SNAP23: variants seen among roughly 807,000 people sequenced by gnomAD.
SNAP23 encodes the protein synaptosomal-associated protein 23.
In SNAP23, 11 loss-of-function variants were observed where a neutral mutation model predicts 29.0. The ratio of observed to expected loss-of-function variants is 0.38; its 90% CI spans 0.24 to 0.63. The LOEUF (loss-of-function observed/expected upper bound fraction) is 0.63, where lower values mean the gene tolerates loss of function less well. SNAP23 is among the 20% of genes least tolerant of loss of function. The probability of loss-of-function intolerance (pLI) is 0.58; values close to 1 mark genes in which losing one functional copy is unlikely to be tolerated. For missense variants in SNAP23, 220 were observed against 253.9 expected, an observed-to-expected ratio of 0.87 and a Z score of 0.91; for synonymous variants, 60 against 82.9, an observed-to-expected ratio of 0.72 and a Z score of 1.50.
upstream of SNAP23, among the ~76,000 whole-genome samples, chr15:42,495,105 G>A (rs781427497): frequency 9.9e-5 from 15 of 152,110 alleles, no homozygotes; most frequent in Non-Finnish European, 2.2e-4. Context: ...TGCTGTTCTC[G>A]ACATAAGCTG....
At chr15:42,512,910 TTTTC>T in intron 2 of SNAP23, 41 bp from the exon 3 acceptor site, 1 of 1,492,384 alleles carries the variant, frequency 6.7e-7, no homozygotes, top group Non-Finnish European at 9.3e-7. Context: ...TCAGATTTTT[TTTTC>T]TACATATTTT....
chr15:42,504,245 G>A (rs1472711805), intron 1 of SNAP23, among the ~76,000 whole-genome samples: 4 of 152,056 alleles, frequency 2.6e-5, no homozygotes, highest in Non-Finnish European at 5.9e-5. Context: ...GGGAGACTGG[G>A]GAAGGAGAAT....
At chr15:42,520,792 C>A (rs1413849021) in intron 5 of SNAP23, among the ~76,000 whole-genome samples, 1 of 152,224 alleles carries the variant, frequency 6.6e-6, no homozygotes, top group East Asian at 1.9e-4. Flanking sequence ...CCACACCCGG[C>A]CTTAAACATT....
upstream of SNAP23, among the ~76,000 whole-genome samples, chr15:42,491,901 T>TTTATTTATTTAGTTAGTTAGTTAG (rs1555433008): frequency 2.7e-5 from 4 of 146,862 alleles, 1 homozygote; most frequent in Admixed American, 2.7e-4. Flanking sequence ...TATTTATTTA[T>TTTATTTATTTAGTTAGTTAGTTAG]TTAGTTAGTT....
In SNAP23 at chr15:42,499,230, G is replaced by C. The variant is rs575832832; in HGVS notation, c.-15+3517G>C. Among the ~76,000 whole-genome samples, 7 of 152,158 alleles carry C rather than the reference G, an allele frequency of 4.6e-5. No individual in the cohort carries two copies. The South Asian group carries it at 1.5e-3, about 32-fold the overall frequency. On this transcript the variant is annotated intron_variant, in intron 1 of 7. Transcript: ENST00000249647. Reference sequence around the variant, plus strand: ...ATTACAGGCAGGCGCCACCATACCTGGCTAATTTTATATTTTTAGTAGAGA... The same window carrying C: ...ATTACAGGCAGGCGCCACCATACCTCGCTAATTTTATATTTTTAGTAGAGA...
intron 5 of SNAP23, among the ~76,000 whole-genome samples, chr15:42,525,578 C>T (rs1338123379): frequency 1.4e-5 from 2 of 141,064 alleles, no homozygotes; most frequent in East Asian, 2.3e-4. Flanking sequence ...ATTCTTCTGC[C>T]TCTGCCTCCT....
chr15:42,499,125 A>G (rs1397459134), intron 1 of SNAP23, among the ~76,000 whole-genome samples: 1 of 151,092 alleles, frequency 6.6e-6, no homozygotes, highest in Non-Finnish European at 1.5e-5. Flanking sequence ...CTGGAGTACA[A>G]TATCTTGATC....
At chr15:42,514,134 G>GT (rs529397532) in intron 4 of SNAP23, among the ~76,000 whole-genome samples, 1 of 123,986 alleles carries the variant, frequency 8.1e-6, no homozygotes, top group Non-Finnish European at 1.8e-5. Flanking sequence ...GTTTTGTTTT[G>GT]TTTTTTTAAT....
upstream of SNAP23, among the ~76,000 whole-genome samples, chr15:42,494,236 A>G (rs2057196554): frequency 6.6e-6 from 1 of 151,398 alleles, no homozygotes; most frequent in African/African-American, 2.4e-5. Context: ...CATCTCCCCC[A>G]CCTCCAAACT....
At chr15:42,503,368 ATTT>A (rs5812222) in intron 1 of SNAP23, among the ~76,000 whole-genome samples, 13 of 116,268 alleles carry the variant, frequency 1.1e-4, no homozygotes, top group Admixed American at 9.1e-5. Flanking sequence ...CGCCTGGCTA[ATTT>A]TTTTTTTTTT....
At chr15:42,513,105 T>C (rs1303253105) in intron 3 of SNAP23, 109 bp downstream of exon 3, 10 of 884,632 alleles carry the variant, frequency 1.1e-5, no homozygotes, top group Non-Finnish European at 1.9e-5. Flanking sequence ...GCTTTATTAT[T>C]TGAAATTAAC....
intron 1 of SNAP23, among the ~76,000 whole-genome samples, chr15:42,498,250 T>C (rs2057240273): frequency 6.6e-6 from 1 of 152,224 alleles, no homozygotes; most frequent in Non-Finnish European, 1.5e-5. Context: ...CCACGTTTCC[T>C]TTCTGCAGTG....
chr15:42,528,195 C>T, intron 5 of SNAP23, 67 bp from the exon 6 acceptor site: 2 of 1,367,186 alleles, frequency 1.5e-6, no homozygotes, highest in Non-Finnish European at 2.1e-6. Context: ...AGGTAACAGG[C>T]ACTAATAATT....
At chr15:42,524,196 T>C (rs535341354) in intron 5 of SNAP23, among the ~76,000 whole-genome samples, 1 of 152,306 alleles carries the variant, frequency 6.6e-6, no homozygotes, top group South Asian at 2.1e-4. Flanking sequence ...TATAGACTAC[T>C]AGAGTCTATA....
intron 1 of SNAP23, among the ~76,000 whole-genome samples, chr15:42,502,423 G>A (rs2057280297): frequency 6.6e-6 from 1 of 152,162 alleles, no homozygotes; most frequent in Admixed American, 6.5e-5. Flanking sequence ...GGTGTCTCAC[G>A]CCTTCTGGCA....
intron 2 of SNAP23, 110 bp from the exon 3 acceptor site, chr15:42,512,845 C>T (rs559052819): frequency 9.1e-5 from 70 of 769,690 alleles, no homozygotes; most frequent in African/African-American, 6.9e-4. Flanking sequence ...CCACTGTGCC[C>T]GGCCTGAGCT....
chr15:42,511,922 A>T lies in SNAP23; in HGVS notation c.57+19A>T. 6.6e-7 allele frequency: 1 copy of T among 1,516,530 alleles called. No homozygotes were observed. Among genetic ancestry groups the T allele is most frequent in the Non-Finnish European group, 9.1e-7 (1 of 1,103,000 alleles). The allele number at this position is 1,516,530 out of a possible 1,614,324, so 93.9% of individuals were successfully genotyped here. A position where few individuals can be genotyped will look rare whatever the true frequency, so the allele number is the denominator to read the frequency against. On this transcript the variant is annotated intron_variant, in intron 2 of 7. Transcript: ENST00000249647. The stretch of plus-strand genomic sequence containing the variant: ...TGATGAGGTAAATGTTTTACCTAAA[A>T]TAAGTAAATAATTCTATTTCAGTTT...
intron 1 of SNAP23, among the ~76,000 whole-genome samples, chr15:42,506,388 TCAC>T (rs1355654786): frequency 6.6e-6 from 1 of 151,714 alleles, no homozygotes; most frequent in Non-Finnish European, 1.5e-5. Context: ...CAGGCACTGG[TCAC>T]CACACCTGGC....
At chr15:42,505,535 C>T in intron 1 of SNAP23, 1 of 147,868 alleles carries the variant, frequency 6.8e-6, no homozygotes, top group African/African-American at 2.5e-5. Context: ...CTTCTCTTTT[C>T]TTTTACTTCC....
Sources: gnomAD v4.1 joint callset for allele counts (sites outside exome capture counted in the v4.1 genomes callset) on GRCh38, gnomAD v4.1.1 for gene constraint, MANE v1.5 for transcripts, NCBI Gene and HGNC (gene_info 2026-07-23, HGNC 2026-07-21) for gene names.